Variants in OPRL1 observed in about 807,000 individuals in gnomAD.
OPRL1 encodes opioid related nociceptin receptor 1.
A neutral mutation model predicts 15.5 loss-of-function variants in OPRL1; 5 were observed. That is an observed-to-expected ratio of 0.32 (90% CI 0.17 to 0.68). The LOEUF (loss-of-function observed/expected upper bound fraction) is 0.68, where lower values mean the gene tolerates loss of function less well. Among genes scored for constraint, OPRL1 ranks in the 30% least tolerant of loss-of-function variants. OPRL1 has a pLI of 0.72. For missense variants in OPRL1, 406 were observed against 515.3 expected, an observed-to-expected ratio of 0.79 and a Z score of 2.05; for synonymous variants, 223 against 230.2, an observed-to-expected ratio of 0.97 and a Z score of 0.28.
chr20:64,097,538 A>T lies in OPRL1; in HGVS notation c.234-264A>T, dbSNP rs992132833. 3.9e-5 allele frequency among the ~76,000 whole-genome samples: 6 copies of T among 152,120 alleles called. No homozygotes were observed. Among genetic ancestry groups the T allele is most frequent in the African/African-American group, 1.4e-4 (6 of 41,398 alleles). On this transcript the variant is annotated intron_variant, in intron 3 of 4. Transcript: ENST00000336866. The surrounding 1 kb of genome is among the most constrained non-coding windows in gnomAD (Gnocchi z 4.2). ...ACTCCTCTAAAGTAGACCTGTGTTT[A>T]AGGCTTGGAATCCTTCTGTGTGTGT...
intron 1 of OPRL1, among the ~76,000 whole-genome samples, chr20:64,088,707 T>C (rs1278483665): frequency 1.5e-4 from 18 of 119,004 alleles, no homozygotes; most frequent in East Asian, 2.7e-4. Flanking sequence ...GGCCAGGGTC[T>C]GTGCAGAGTG....
At chr20:64,084,637 C>T (rs2060022722) in intron 1 of OPRL1, among the ~76,000 whole-genome samples, 1 of 152,224 alleles carries the variant, frequency 6.6e-6, no homozygotes, top group African/African-American at 2.4e-5. Flanking sequence ...CCCCGACAGT[C>T]AGGGTCTCCC....
At position 64,100,170 on chromosome 20, in the gene OPRL1, TC is replaced by T. The variant is rs1450721680; in HGVS notation, c.*1373del. Reference sequence around the variant, plus strand: ...CTGTGGTCACCCAGAGAATCACCCTTCCTGGTCTACAGATGGAAGCTGCAGG... The same window carrying T: ...CTGTGGTCACCCAGAGAATCACCCTTCTGGTCTACAGATGGAAGCTGCAGG... On this transcript the variant is annotated 3_prime_UTR_variant, in exon 5 of 5. Coordinates refer to ENST00000336866, the MANE Select transcript of OPRL1 (RefSeq NM_182647.4). 3.3e-5 allele frequency: 5 copies of T among 152,216 alleles called. No individual in the cohort carries two copies. Among genetic ancestry groups the T allele is most frequent in the African/African-American group, 1.2e-4 (5 of 41,442 alleles). 9.4% of individuals were successfully genotyped at this position (152,216 alleles called of 1,614,324 possible). A position where few individuals can be genotyped will look rare whatever the true frequency, so the allele number is the denominator to read the frequency against.
chr20:64,088,594 A>AGGG (rs1411082262), intron 1 of OPRL1, among the ~76,000 whole-genome samples: 1 of 4,386 alleles, frequency 2.3e-4, no homozygotes, highest in Non-Finnish European at 5.4e-4. Flanking sequence ...GGATCTGTGC[A>AGGG]AGGGGTAGGA....
intron 1 of OPRL1, among the ~76,000 whole-genome samples, chr20:64,082,970 TG>T (rs1413677630): frequency 6.6e-6 from 1 of 152,126 alleles, no homozygotes; most frequent in African/African-American, 2.4e-5. Context: ...GCACAGCTGC[TG>T]CTTCTTCAAA....
At position 64,083,288 on chromosome 20, in the gene OPRL1, T is replaced by C; in HGVS notation, c.-185+2936T>C. On this transcript the variant is annotated intron_variant, in intron 1 of 4. Coordinates refer to ENST00000336866, the MANE Select transcript of OPRL1 (RefSeq NM_182647.4). This position sits in a 1 kb window ranked among gnomAD's most constrained non-coding sequence, Gnocchi z 4.9. ...AGAGGCCCCACTCTCTGTACCCTGA[T>C]GTCTGTGAGGTGCATGGGAGAGGCA... 8.4e-7 allele frequency: 1 copy of C among 1,190,766 alleles called. No individual in the cohort carries two copies. 73.8% of individuals were successfully genotyped at this position (1,190,766 alleles called of 1,614,324 possible).
chr20:64,091,450 C>T (rs1466576803), intron 1 of OPRL1, among the ~76,000 whole-genome samples: 4 of 152,270 alleles, frequency 2.6e-5, no homozygotes, highest in Non-Finnish European at 5.9e-5. Flanking sequence ...GTGCTCTCAG[C>T]AGTGGCCGGG....
chr20:64,090,734 C>G lies in OPRL1; in HGVS notation c.-184-1232C>G, dbSNP rs148514971. On this transcript the variant is annotated intron_variant, in intron 1 of 4. Transcript: ENST00000336866. This position sits in a 1 kb window ranked among gnomAD's most constrained non-coding sequence, Gnocchi z 4.9. ...GCCTGTCTGCAGGAGTGATGCTCAG[C>G]CACTGATCTGGGGCCCAGCTGTGGC... Among the ~76,000 whole-genome samples, 511 of 151,412 alleles carry G rather than the reference C, an allele frequency of 3.4e-3. 5 individuals are homozygous for G. The highest frequency in any genetic ancestry group is 0.012 in the African/African-American group (491 of 40,798).
chr20:64,095,858 A>G (rs1979055319), intron 3 of OPRL1, among the ~76,000 whole-genome samples: 1 of 152,048 alleles, frequency 6.6e-6, no homozygotes, highest in Admixed American at 6.5e-5. Context: ...TGTCCCTGAG[A>G]AAAGCTGTTC....
At position 64,098,140 on chromosome 20, in the gene OPRL1, C is replaced by G; in HGVS notation, c.572C>G (p.Ala191Gly). ...GTTCCCGTTGCCATCATGGGCTCGG[C>G]ACAGGTCGAGGATGAAGGTCAGTGG... ...VGVPVAIMGS[A>G]QVEDEEIECL... Residue 191 changes from alanine (A) to glycine (G), a missense_variant, in exon 4 of 5, where the codon GCA (alanine) becomes GGA (glycine). Transcript: ENST00000336866. 1 of 1,613,140 alleles carries G rather than the reference C, an allele frequency of 6.2e-7. No homozygotes were observed. The highest frequency in any genetic ancestry group is 8.5e-7 in the Non-Finnish European group (1 of 1,179,952).
At chr20:64,092,993 A>T in intron 3 of OPRL1, 40 bp downstream of exon 3, 2 of 1,563,818 alleles carry the variant, frequency 1.3e-6, no homozygotes. Context: ...TGAGTCCCAC[A>T]CGGCTGCAGA....
At position 64,088,901 on chromosome 20, in the gene OPRL1, G is replaced by GATCT. The variant is rs1569272102; in HGVS notation, c.-184-3065_-184-3064insATCT. On this transcript the variant is annotated intron_variant, in intron 1 of 4. Coordinates refer to ENST00000336866, the MANE Select transcript of OPRL1 (RefSeq NM_182647.4). ...GCCAGGGTCTGTGCAGAGTGGCCAG[G>GATCT]GTCTGTGCAGAGTGGCCAGGATCTG... is the stretch of plus-strand genomic sequence containing the variant. 1.1e-4 allele frequency among the ~76,000 whole-genome samples: 17 copies of GATCT among 151,016 alleles called. 2 individuals carry two copies. Among genetic ancestry groups the GATCT allele is most frequent in the East Asian group, 3.9e-4 (2 of 5,166 alleles).
At chr20:64,084,179 C>T in intron 1 of OPRL1, 1 of 1,449,306 alleles carries the variant, frequency 6.9e-7, no homozygotes, top group Non-Finnish European at 9.0e-7. Flanking sequence ...GCTTCGCTCC[C>T]GCGGGCCCTT....
Position 64,099,000 on chromosome 20 carries a change from AT to A in OPRL1, c.*203del. ...GTGACATCATGGGACAGGTCAAAGC[AT>A]TAGGGCCACCTCCATGGCCCCAGAC... is the stretch of plus-strand genomic sequence containing the variant. On this transcript the variant is annotated 3_prime_UTR_variant, in exon 5 of 5. Transcript: ENST00000336866. 2.8e-6 allele frequency: 2 copies of A among 708,480 alleles called. No individual in the cohort carries two copies. Among genetic ancestry groups the A allele is most frequent in the Non-Finnish European group, 4.5e-6 (2 of 440,964 alleles). The allele number at this position is 708,480 out of a possible 1,614,324, so 43.9% of individuals were successfully genotyped here.
Position 64,088,930 on chromosome 20 carries a change from A to AG in OPRL1, c.-184-3036_-184-3035insG, listed in dbSNP as rs1167416080. 1.3e-4 allele frequency among the ~76,000 whole-genome samples: 13 copies of AG among 99,950 alleles called. 1 individual carries two copies. Among genetic ancestry groups the AG allele is most frequent in the Non-Finnish European group, 1.8e-4 (8 of 44,334 alleles). The allele number at this position is 99,950 out of a possible 152,430, so 65.6% of individuals were successfully genotyped here. ...TGTGCAGAGTGGCCAGGATCTGTGC[A>AG]AGGGGTAGGATCTGTGCAGAGTGGC... On this transcript the variant is annotated intron_variant, in intron 1 of 4. Transcript: ENST00000336866.
intron 1 of OPRL1, among the ~76,000 whole-genome samples, chr20:64,088,696 A>AGGGCAGGGTCTGTGCAGAGT (rs2060083114): frequency 2.3e-5 from 1 of 43,966 alleles, no homozygotes; most frequent in Admixed American, 2.5e-4. Context: ...CTGTGCAGGG[A>AGGGCAGGGTCTGTGCAGAGT]GGCCAGGGTC....
intron 1 of OPRL1, among the ~76,000 whole-genome samples, chr20:64,081,154 A>G (rs1233596438): frequency 6.6e-6 from 1 of 152,082 alleles, no homozygotes; most frequent in Non-Finnish European, 1.5e-5. Flanking sequence ...GGGGGAGGTC[A>G]GAGGTCAGAG....
intron 1 of OPRL1, chr20:64,084,429 G>C (rs2060019697): frequency 8.0e-7 from 1 of 1,242,646 alleles, no homozygotes; most frequent in Non-Finnish European, 1.0e-6. Flanking sequence ...CTCTGCCATC[G>C]GCTGATCCTG....
rs1400809848 is a variant in OPRL1 at position 64,098,249 on chromosome 20, A to G, written c.590-27A>G. 4 of 1,604,918 alleles carry G rather than the reference A, an allele frequency of 2.5e-6. No individual in the cohort carries two copies. The East Asian group carries it at 8.9e-5, about 36-fold the overall frequency. On this transcript the variant is annotated intron_variant, in intron 4 of 4. Coordinates refer to ENST00000336866, the MANE Select transcript of OPRL1 (RefSeq NM_182647.4). ...CGTGCCCTCCACGTCTCCTGGGCCC[A>G]CTCTGACCCCGTTTCTCTCCCTGCA... is the stretch of plus-strand genomic sequence containing the variant.
Sources: allele counts gnomAD v4.1 joint callset (sites outside exome capture counted in the v4.1 genomes callset), GRCh38; gene constraint gnomAD v4.1.1; non-coding constraint Gnocchi (gnomAD v3.1); transcripts MANE v1.5; gene names NCBI Gene and HGNC (gene_info 2026-07-23, HGNC 2026-07-21).